The following ERC2 variants were observed in gnomAD, a reference collection of about 807,000 sequenced individuals.
The protein encoded by ERC2 is ERC protein 2.
In ERC2, 42 loss-of-function variants were observed where a neutral mutation model predicts 114.8. That is an observed-to-expected ratio of 0.37 (90% CI 0.29 to 0.47). ERC2 has a LOEUF of 0.47. ERC2 is among the 20% of genes least tolerant of loss of function. ERC2 has a pLI of 0.99. For missense variants in ERC2, 939 were observed against 1,150.7 expected, an observed-to-expected ratio of 0.82 and a Z score of 2.66; for synonymous variants, 454 against 425.5, an observed-to-expected ratio of 1.07 and a Z score of -0.82.
In ERC2 at chr3:56,318,928, C is replaced by CTCCAT. The variant is rs1453753008; in HGVS notation, c.658-22494_658-22493insATGGA. 7.6e-5 allele frequency among the ~76,000 whole-genome samples: 11 copies of CTCCAT among 144,064 alleles called. No homozygotes were observed. In the Admixed American group the frequency reaches 7.8e-4, roughly 10 times the overall value. 94.5% of individuals were successfully genotyped at this position (144,064 alleles called of 152,430 possible). On this transcript the variant is annotated intron_variant, in intron 2 of 17. Transcript: ENST00000288221. ...AGTGAGTTGTGATTGTGCCACTGTA[C>CTCCAT]TCCAGCCTGGGTGACACAGTAAGAC...
chr3:56,239,924 C>T (rs569541342), intron 3 of ERC2, among the ~76,000 whole-genome samples: 1 of 152,300 alleles, frequency 6.6e-6, no homozygotes, highest in East Asian at 1.9e-4. Context: ...TCTAGAGTTA[C>T]ACAATATTTG....
At chr3:55,758,480 A>G (rs892240613) in intron 14 of ERC2, among the ~76,000 whole-genome samples, 2 of 152,244 alleles carry the variant, frequency 1.3e-5, no homozygotes, top group Non-Finnish European at 2.9e-5. Context: ...GGTGAGGGGC[A>G]GACCAATGAG....
At chr3:56,156,038 T>C (rs2081699795) in intron 4 of ERC2, among the ~76,000 whole-genome samples, 1 of 152,126 alleles carries the variant, frequency 6.6e-6, no homozygotes, top group Non-Finnish European at 1.5e-5. Flanking sequence ...GGCAACAAGA[T>C]AGTCTTTGGG....
At chr3:55,564,438 T>C (rs2056232900) in intron 17 of ERC2, among the ~76,000 whole-genome samples, 1 of 152,170 alleles carries the variant, frequency 6.6e-6, no homozygotes, top group Non-Finnish European at 1.5e-5. Context: ...GAAACTGAGG[T>C]GCGCTTTATC....
chr3:55,890,062 C>G (rs2063532256), intron 13 of ERC2, among the ~76,000 whole-genome samples: 1 of 152,150 alleles, frequency 6.6e-6, no homozygotes, highest in South Asian at 2.1e-4. Context: ...ATGAAAGTGA[C>G]AAAACCACCC....
chr3:56,426,650 C>T (rs1211494722), intron 2 of ERC2, among the ~76,000 whole-genome samples: 1 of 152,126 alleles, frequency 6.6e-6, no homozygotes, highest in African/African-American at 2.4e-5. Flanking sequence ...TGTGATCCAC[C>T]ATGAGAAGAT....
At chr3:55,598,015 G>A (rs17055485) in intron 17 of ERC2, among the ~76,000 whole-genome samples, 3,895 of 152,266 alleles carry the variant, frequency 0.026, 151 homozygotes, top group African/African-American at 0.088. Flanking sequence ...TCTTGCTAAC[G>A]ACAGAGCCTG....
At chr3:55,555,027 C>T (rs796350848) in intron 17 of ERC2, among the ~76,000 whole-genome samples, 3 of 152,270 alleles carry the variant, frequency 2.0e-5, no homozygotes, top group African/African-American at 7.2e-5. Flanking sequence ...CCATTTCCCA[C>T]CACCACGCCC....
intron 3 of ERC2, among the ~76,000 whole-genome samples, chr3:56,178,468 T>C (rs1047822266): frequency 8.5e-5 from 13 of 152,152 alleles, no homozygotes; most frequent in African/African-American, 2.9e-4. Context: ...GAAAGTCCTA[T>C]AGCACCACTT....
intron 15 of ERC2, among the ~76,000 whole-genome samples, chr3:55,710,817 A>T (rs2063740188): frequency 6.6e-6 from 1 of 152,212 alleles, no homozygotes; most frequent in Non-Finnish European, 1.5e-5. Flanking sequence ...AACAACCCAA[A>T]TTCATAAAAT....
chr3:56,422,341 T>C (rs2061418061), intron 2 of ERC2, among the ~76,000 whole-genome samples: 1 of 152,214 alleles, frequency 6.6e-6, no homozygotes, highest in Non-Finnish European at 1.5e-5. Context: ...AGGCCTTTAA[T>C]GAGCATCCTG....
intron 4 of ERC2, among the ~76,000 whole-genome samples, chr3:56,152,462 C>A (rs1340632714): frequency 6.6e-6 from 1 of 151,950 alleles, no homozygotes; most frequent in Non-Finnish European, 1.5e-5. Flanking sequence ...CAGCTTCTGT[C>A]ACTCAAAAGT....
At chr3:56,172,037 T>C (rs1213445966) in intron 4 of ERC2, among the ~76,000 whole-genome samples, 2 of 151,296 alleles carry the variant, frequency 1.3e-5, no homozygotes, top group African/African-American at 4.8e-5. Flanking sequence ...TTCCTCTTTT[T>C]TTTTTTTTAA....
chr3:56,004,558 T>A (rs891042840), intron 10 of ERC2, among the ~76,000 whole-genome samples: 7 of 152,076 alleles, frequency 4.6e-5, no homozygotes, highest in Non-Finnish European at 7.4e-5. Context: ...CACAAACTTT[T>A]ATGTAAAAAC....
At chr3:56,090,666 CTTT>C (rs75767701) in intron 6 of ERC2, among the ~76,000 whole-genome samples, 1 of 139,638 alleles carries the variant, frequency 7.2e-6, no homozygotes. Context: ...TTCATATTTT[CTTT>C]TTTTTTTTTT....
At chr3:55,579,202 C>G (rs2057135061) in intron 17 of ERC2, among the ~76,000 whole-genome samples, 1 of 152,274 alleles carries the variant, frequency 6.6e-6, no homozygotes, top group South Asian at 2.1e-4. Flanking sequence ...CCATATTCTT[C>G]TACAATGTAA....
chr3:55,585,548 T>G (rs902652383), intron 17 of ERC2, among the ~76,000 whole-genome samples: 9 of 152,204 alleles, frequency 5.9e-5, no homozygotes, highest in African/African-American at 2.2e-4. Context: ...CTATAACTGT[T>G]GGGGTTCTAG....
chr3:55,951,686 G>C (rs1310730881), intron 12 of ERC2, among the ~76,000 whole-genome samples: 1 of 152,008 alleles, frequency 6.6e-6, no homozygotes, highest in African/African-American at 2.4e-5. Context: ...AGAATCATTT[G>C]GGGTCCTTTC....
At chr3:55,600,596 A>G (rs1484349374) in intron 17 of ERC2, among the ~76,000 whole-genome samples, 1 of 152,210 alleles carries the variant, frequency 6.6e-6, no homozygotes, top group Non-Finnish European at 1.5e-5. Flanking sequence ...TACCCCTTTG[A>G]AAAGCCTCTT....
Sources: allele counts gnomAD v4.1 joint callset (sites outside exome capture counted in the v4.1 genomes callset), GRCh38; gene constraint gnomAD v4.1.1; transcripts MANE v1.5; gene names NCBI Gene and HGNC (gene_info 2026-07-23, HGNC 2026-07-21).